Variants in ARID1B observed in about 807,000 individuals in gnomAD.
The protein encoded by ARID1B is AT-rich interaction domain 1B.
In ARID1B, 30 loss-of-function variants were observed where a neutral mutation model predicts 212.3. The ratio of observed to expected loss-of-function variants is 0.14; its 90% confidence interval spans 0.11 to 0.19. ARID1B has a LOEUF of 0.19. Among genes scored for constraint, ARID1B ranks in the 10% least tolerant of loss-of-function variants. The probability of loss-of-function intolerance (pLI) is 1.00; values close to 1 mark genes in which losing one functional copy is unlikely to be tolerated. For missense variants in ARID1B, 2,891 were observed against 3,204.0 expected (o/e 0.90, Z 2.36); for synonymous variants, 1,402 against 1,301.7 (o/e 1.08, Z -1.66).
In ARID1B at chr6:156,779,296, AGGC is replaced by A. The variant is rs757953295; in HGVS notation, c.1628_1630del (p.Ala543del). Reference sequence around the variant, plus strand: ...CCGCCGCCGTCGCAGCCCCAGTCCCAGGCGGCGGCGGCGGGGGCGGCGGCGGGC... The same window carrying A: ...CCGCCGCCGTCGCAGCCCCAGTCCCAGGCGGCGGCGGGGGCGGCGGCGGGC... On this transcript the variant is annotated inframe_deletion, in exon 1 of 20. Transcript: ENST00000636930. 1,018 of 1,076,066 alleles carry A rather than the reference AGGC, an allele frequency of 9.5e-4. No individual in the cohort carries two copies. Among genetic ancestry groups the A allele is most frequent in the East Asian group, 4.2e-3 (90 of 21,662 alleles). The allele number at this position is 1,076,066 out of a possible 1,614,324, so 66.7% of individuals were successfully genotyped here.
At chr6:157,075,128 T>C (rs905829619) in intron 4 of ARID1B, among the ~76,000 whole-genome samples, 1 of 141,372 alleles carries the variant, frequency 7.1e-6, no homozygotes, top group Non-Finnish European at 1.5e-5. Context: ...ACTTGAGGTA[T>C]TAAGTGACCA....
chr6:156,869,721 A>G (rs1160943109), intron 2 of ARID1B, among the ~76,000 whole-genome samples: 1 of 152,190 alleles, frequency 6.6e-6, no homozygotes, highest in Non-Finnish European at 1.5e-5. Context: ...ATTTGTCTAG[A>G]GTGAGCTATA....
intron 2 of ARID1B, among the ~76,000 whole-genome samples, chr6:156,864,035 G>A (rs1304341544): frequency 6.6e-6 from 1 of 152,160 alleles, no homozygotes; most frequent in Non-Finnish European, 1.5e-5. Context: ...ACCTATAACA[G>A]ATGATTTGTT....
At chr6:156,981,247 T>TAGTG (rs1165376116) in intron 4 of ARID1B, among the ~76,000 whole-genome samples, 1 of 152,138 alleles carries the variant, frequency 6.6e-6, no homozygotes, top group Non-Finnish European at 1.5e-5. Flanking sequence ...TGAGGGGTGG[T>TAGTG]AGTGAAGTAG....
At chr6:157,167,902 G>C (rs1249254551) in intron 9 of ARID1B, 1 of 152,186 alleles carries the variant, frequency 6.6e-6, no homozygotes, top group Non-Finnish European at 1.5e-5. Flanking sequence ...AAGACAATGA[G>C]TACCACTTTT....
intron 4 of ARID1B, among the ~76,000 whole-genome samples, chr6:157,026,053 T>C (rs1452746569): frequency 6.6e-6 from 1 of 152,066 alleles, no homozygotes; most frequent in African/African-American, 2.4e-5. Flanking sequence ...GCCTCCTGAG[T>C]AGCTGGGATT....
In ARID1B at chr6:156,783,333, T is replaced by TA. The variant is rs66552722; in HGVS notation, c.1791+3874dup. ...AAAATAACGTCTTTATTCTGATATT[T>TA]AAAAAAAAAAAACATTAATTCTGAT... On this transcript the variant is annotated intron_variant, in intron 1 of 19. Transcript: ENST00000636930. 1.1e-3 allele frequency among the ~76,000 whole-genome samples: 161 copies of TA among 144,898 alleles called. 1 individual carries two copies. The highest frequency in any genetic ancestry group is 3.7e-3 in the East Asian group (19 of 5,072).
chr6:156,953,801 G>T (rs1793762814), intron 4 of ARID1B, among the ~76,000 whole-genome samples: 1 of 152,148 alleles, frequency 6.6e-6, no homozygotes, highest in African/African-American at 2.4e-5. Context: ...AATGGCCTCC[G>T]CAGACAGGAG....
chr6:157,196,234 A>C lies in ARID1B; in HGVS notation c.4301A>C (p.Asn1434Thr). 1 of 1,613,572 alleles carries C rather than the reference A, an allele frequency of 6.2e-7. No homozygotes were observed. Among genetic ancestry groups the C allele is most frequent in the Non-Finnish European group, 8.5e-7 (1 of 1,179,872 alleles). The change falls in exon 16 of 20, where the codon AAC becomes ACC. Residue 1434 changes from asparagine to threonine, a missense_variant. Asn to Thr is a moderately conservative substitution (Grantham distance 65, BLOSUM62 0). Around this residue, in one of 7 missense-constraint regions of ARID1B, gnomAD observed 666 missense variants for 873.5 expected, o/e 0.76. Coordinates refer to ENST00000636930, the MANE Select transcript of ARID1B (RefSeq NM_001374828.1). ...AACAGCAGCATGCAGGACATGTACA[A>C]CCAAAGTCCCTCCGGAGCAATGTCT... The part of the protein sequence containing the change: ...MPNSSMQDMY[N>T]QSPSGAMSNL...
chr6:156,785,563 A>T (rs994686439), intron 1 of ARID1B, among the ~76,000 whole-genome samples: 3 of 152,198 alleles, frequency 2.0e-5, no homozygotes, highest in African/African-American at 7.2e-5. Context: ...CGTACATAAC[A>T]TACAACTTAC....
At chr6:156,966,822 T>A (rs1794799988) in intron 4 of ARID1B, among the ~76,000 whole-genome samples, 1 of 152,212 alleles carries the variant, frequency 6.6e-6, no homozygotes, top group South Asian at 2.1e-4. Context: ...TGCCTTAGCC[T>A]CTCGAGTTGC....
At chr6:157,146,953 ATCT>A (rs1305425102) in intron 7 of ARID1B, among the ~76,000 whole-genome samples, 1 of 152,056 alleles carries the variant, frequency 6.6e-6, no homozygotes, top group African/African-American at 2.4e-5. Context: ...TTCAGTACTA[ATCT>A]TCTAGCTCTT....
intron 2 of ARID1B, among the ~76,000 whole-genome samples, chr6:156,878,226 A>T (rs554722320): frequency 2.6e-5 from 4 of 151,990 alleles, no homozygotes; most frequent in African/African-American, 9.6e-5. Flanking sequence ...GTACCATTTT[A>T]CCTTGTGTCA....
intron 2 of ARID1B, among the ~76,000 whole-genome samples, chr6:156,878,710 A>G (rs17266366): frequency 0.28 from 42,857 of 152,064 alleles, 6,212 homozygotes; most frequent in Non-Finnish European, 0.33. Context: ...CAGGCTCATA[A>G]TAAGGTGAGG....
intron 2 of ARID1B, among the ~76,000 whole-genome samples, chr6:156,891,896 G>A (rs1406092126): frequency 6.8e-6 from 1 of 147,028 alleles, no homozygotes; most frequent in Admixed American, 6.7e-5. Flanking sequence ...TTTTGAGACG[G>A]AGTCTCACAC....
intron 8 of ARID1B, among the ~76,000 whole-genome samples, chr6:157,165,486 G>C (rs948204805): frequency 2.0e-5 from 3 of 152,060 alleles, no homozygotes; most frequent in Admixed American, 1.3e-4. Flanking sequence ...GTCCACGTTT[G>C]AACTTTTTGT....
At chr6:156,951,468 G>T (rs1356457559) in intron 4 of ARID1B, among the ~76,000 whole-genome samples, 1 of 151,460 alleles carries the variant, frequency 6.6e-6, no homozygotes, top group Non-Finnish European at 1.5e-5. Context: ...TTTTGAAATG[G>T]AGTCTCGCTC....
chr6:157,191,832 T>C (rs1331170661), intron 15 of ARID1B, among the ~76,000 whole-genome samples: 3 of 152,246 alleles, frequency 2.0e-5, no homozygotes, highest in Non-Finnish European at 4.4e-5. Flanking sequence ...CCTTAAATAA[T>C]AGTACCTGTG....
chr6:157,140,069 A>G (rs1284679855), intron 7 of ARID1B, among the ~76,000 whole-genome samples: 5 of 152,078 alleles, frequency 3.3e-5, no homozygotes, highest in Admixed American at 6.5e-5. Flanking sequence ...TATACATTCT[A>G]TTTAAGGAAT....
Sources: allele counts gnomAD v4.1 joint callset (sites outside exome capture counted in the v4.1 genomes callset), GRCh38; gene constraint gnomAD v4.1.1; regional missense constraint gnomAD v4.1.1; transcripts MANE v1.5; gene names NCBI Gene and HGNC (gene_info 2026-07-23, HGNC 2026-07-21).